GRIK3: variants seen among roughly 807,000 people sequenced by gnomAD.
GRIK3 encodes the protein glutamate receptor ionotropic, kainate 3.
A neutral mutation model predicts 102.5 loss-of-function variants in GRIK3; 29 were observed. The observed-to-expected ratio is 0.28, with a 90% confidence interval of 0.21 to 0.39. GRIK3 has a LOEUF of 0.39. Among genes scored for constraint, GRIK3 ranks in the 10% least tolerant of loss-of-function variants. The pLI is 1.00. For synonymous variants in GRIK3, 511 were observed against 504.9 expected (o/e 1.01, Z -0.16); for missense variants, 908 against 1,252.4 (o/e 0.73, Z 4.15).
chr1:36,848,204 A>T (rs931305901), intron 9 of GRIK3, among the ~76,000 whole-genome samples: 1 of 152,198 alleles, frequency 6.6e-6, no homozygotes, highest in Admixed American at 6.5e-5. Context: ...AATAAAATTT[A>T]ACCCCTTGAT....
intron 1 of GRIK3, among the ~76,000 whole-genome samples, chr1:36,989,146 C>G (rs576220939): frequency 1.3e-5 from 2 of 152,206 alleles, no homozygotes; most frequent in Non-Finnish European, 2.9e-5. Context: ...CTTCACATTC[C>G]CGTACACATG....
At chr1:36,933,353 C>T (rs1297720535) in intron 1 of GRIK3, among the ~76,000 whole-genome samples, 3 of 152,200 alleles carry the variant, frequency 2.0e-5, no homozygotes, top group African/African-American at 7.2e-5. Flanking sequence ...GCTCACCACT[C>T]CATGTGCTGC....
At chr1:36,938,293 G>A (rs1193878202) in intron 1 of GRIK3, among the ~76,000 whole-genome samples, 2 of 152,304 alleles carry the variant, frequency 1.3e-5, no homozygotes, top group East Asian at 3.9e-4. Flanking sequence ...GGAGGAGGTA[G>A]GACCCGTTCC....
intron 1 of GRIK3, among the ~76,000 whole-genome samples, chr1:36,919,338 A>AATTTTGTTTT (rs1641441214): frequency 4.2e-5 from 6 of 143,600 alleles, no homozygotes; most frequent in African/African-American, 1.5e-4. Flanking sequence ...GCTTTTTTAA[A>AATTTTGTTTT]ATTTTATTTT....
intron 1 of GRIK3, among the ~76,000 whole-genome samples, chr1:36,953,814 G>A (rs1260783190): frequency 2.0e-5 from 3 of 152,132 alleles, no homozygotes; most frequent in Non-Finnish European, 4.4e-5. Flanking sequence ...GGCTTCACTC[G>A]CTCCGCAGCA....
intron 10 of GRIK3, among the ~76,000 whole-genome samples, chr1:36,838,241 G>A (rs1640404286): frequency 2.6e-5 from 4 of 152,190 alleles, no homozygotes; most frequent in Admixed American, 2.6e-4. Flanking sequence ...TGGAAATGGA[G>A]GCCGGAGAAA....
At chr1:36,969,206 A>T (rs1210825366) in intron 1 of GRIK3, among the ~76,000 whole-genome samples, 2 of 152,340 alleles carry the variant, frequency 1.3e-5, no homozygotes, top group Non-Finnish European at 2.9e-5. Flanking sequence ...GGCAGGAGCC[A>T]GTCAAGACAG....
intron 1 of GRIK3, among the ~76,000 whole-genome samples, chr1:36,896,124 TA>T (rs1410986404): frequency 6.6e-6 from 1 of 152,146 alleles, no homozygotes; most frequent in Admixed American, 6.5e-5. Flanking sequence ...CAAGAAATAT[TA>T]AAAGATGTTC....
chr1:36,873,555 C>A (rs1172227549), intron 3 of GRIK3, among the ~76,000 whole-genome samples: 1 of 152,140 alleles, frequency 6.6e-6, no homozygotes, highest in Non-Finnish European at 1.5e-5. Context: ...AGAGGGCCAT[C>A]CCCTCCTGCT....
chr1:37,026,811 T>A (rs1642768835), intron 1 of GRIK3, among the ~76,000 whole-genome samples: 1 of 152,074 alleles, frequency 6.6e-6, no homozygotes, highest in Non-Finnish European at 1.5e-5. Context: ...GACATGCCAT[T>A]CTTTCTTGGA....
At chr1:36,889,217 T>A (rs895082910) in intron 2 of GRIK3, among the ~76,000 whole-genome samples, 8 of 151,658 alleles carry the variant, frequency 5.3e-5, no homozygotes, top group African/African-American at 1.9e-4. Flanking sequence ...GGGGAGGGTC[T>A]CCCTGAGGAC....
chr1:36,994,356 C>A (rs1642394032), intron 1 of GRIK3, among the ~76,000 whole-genome samples: 1 of 152,202 alleles, frequency 6.6e-6, no homozygotes, highest in Non-Finnish European at 1.5e-5. Flanking sequence ...ACCGTTTAAC[C>A]ATTAAATTTT....
intron 5 of GRIK3, among the ~76,000 whole-genome samples, chr1:36,864,199 G>C (rs568318884): frequency 6.6e-6 from 1 of 152,278 alleles, no homozygotes; most frequent in African/African-American, 2.4e-5. Context: ...TCTACAGACT[G>C]GAAGTTTAGG....
chr1:36,855,488 T>C (rs1640641644), intron 7 of GRIK3, among the ~76,000 whole-genome samples: 1 of 152,176 alleles, frequency 6.6e-6, no homozygotes, highest in East Asian at 1.9e-4. Flanking sequence ...TAAATGTGCA[T>C]ATGCAAACTC....
intron 13 of GRIK3, among the ~76,000 whole-genome samples, chr1:36,816,408 A>T (rs1392790896): frequency 6.6e-6 from 1 of 152,290 alleles, no homozygotes; most frequent in African/African-American, 2.4e-5. Flanking sequence ...AGAGTCTCCT[A>T]AGCCCTCAGC....
intron 1 of GRIK3, among the ~76,000 whole-genome samples, chr1:37,002,670 C>CTTTTTT (rs57712253): frequency 7.4e-6 from 1 of 135,248 alleles, no homozygotes; most frequent in Non-Finnish European, 1.6e-5. Flanking sequence ...TTCTTTCTTT[C>CTTTTTT]TTTTTTTTTT....
chr1:36,962,543 C>G (rs779509166), intron 1 of GRIK3, among the ~76,000 whole-genome samples: 1 of 151,664 alleles, frequency 6.6e-6, no homozygotes, highest in Non-Finnish European at 1.5e-5. Context: ...GACTCCTAAG[C>G]CAGGGCCCTG....
At chr1:36,955,657 T>C (rs1483142408) in intron 1 of GRIK3, among the ~76,000 whole-genome samples, 1 of 152,176 alleles carries the variant, frequency 6.6e-6, no homozygotes, top group East Asian at 1.9e-4. Flanking sequence ...ACAGGCTACC[T>C]CAAGCACTCA....
intron 1 of GRIK3, among the ~76,000 whole-genome samples, chr1:36,937,916 G>A (rs932555195): frequency 6.6e-6 from 1 of 152,208 alleles, no homozygotes; most frequent in African/African-American, 2.4e-5. Flanking sequence ...GGACAGCTCA[G>A]CCTTCTGCTA....
Sources: allele counts gnomAD v4.1 joint callset (sites outside exome capture counted in the v4.1 genomes callset), GRCh38; gene constraint gnomAD v4.1.1; transcripts MANE v1.5; gene names NCBI Gene and HGNC (gene_info 2026-07-23, HGNC 2026-07-21).